The following CLDN14 variants were observed in gnomAD, a reference collection of about 807,000 sequenced individuals.
CLDN14 encodes claudin 14.
In CLDN14, 2 loss-of-function variants were observed where a neutral mutation model predicts 2.1. The observed-to-expected ratio is 0.96, with a 90% CI of 0.39 to 3.01. The LOEUF (loss-of-function observed/expected upper bound fraction) is 3.01, where lower values mean the gene tolerates loss of function less well. Ranked by LOEUF, CLDN14 falls within the 30% of genes most tolerant of loss-of-function variation. The pLI is 0.09. For missense variants in CLDN14, 298 were observed against 328.0 expected (o/e 0.91, Z 0.71); for synonymous variants, 136 against 154.4 (o/e 0.88, Z 0.88).
intron 2 of CLDN14, among the ~76,000 whole-genome samples, chr21:36,495,065 C>T (rs146283986): frequency 7.6e-4 from 115 of 152,260 alleles, no homozygotes; most frequent in African/African-American, 2.3e-3. Context: ...CGGTGCCTCA[C>T]GCCTGTAATC....
chr21:36,486,675 A>G (rs2086900882), intron 2 of CLDN14: 2 of 1,370,180 alleles, frequency 1.5e-6, no homozygotes, highest in Admixed American at 1.7e-5. Flanking sequence ...TCTTCCCCCA[A>G]ATTTATCATG....
chr21:36,559,578 A>T (rs1431187477), intron 1 of CLDN14, among the ~76,000 whole-genome samples: 1 of 152,176 alleles, frequency 6.6e-6, no homozygotes, highest in Non-Finnish European at 1.5e-5. Flanking sequence ...ATTTTTTTTG[A>T]TAACATGGAT....
At chr21:36,490,540 C>T (rs2086951018) in intron 2 of CLDN14, among the ~76,000 whole-genome samples, 1 of 151,822 alleles carries the variant, frequency 6.6e-6, no homozygotes, top group South Asian at 2.1e-4. Context: ...AGGTGTGCAC[C>T]ACCATTCCAG....
At chr21:36,510,798 C>G (rs1391765896) in intron 1 of CLDN14, among the ~76,000 whole-genome samples, 1 of 152,220 alleles carries the variant, frequency 6.6e-6, no homozygotes, top group Non-Finnish European at 1.5e-5. Context: ...CAATGTTGGT[C>G]TGGAAAAATA....
chr21:36,567,383 C>A (rs1366779123), intron 1 of CLDN14, among the ~76,000 whole-genome samples: 1 of 152,228 alleles, frequency 6.6e-6, no homozygotes, highest in Non-Finnish European at 1.5e-5. Context: ...CCCAAGAGCT[C>A]CAAGGGGAGC....
intron 1 of CLDN14, among the ~76,000 whole-genome samples, chr21:36,565,068 G>T (rs1424124718): frequency 6.6e-6 from 1 of 152,224 alleles, no homozygotes; most frequent in African/African-American, 2.4e-5. Context: ...AAGCCACTTG[G>T]TTGTGGTCAC....
chr21:36,552,386 A>G (rs1387166348), intron 1 of CLDN14, among the ~76,000 whole-genome samples: 1 of 152,214 alleles, frequency 6.6e-6, no homozygotes, highest in Non-Finnish European at 1.5e-5. Context: ...GCCCCATGTG[A>G]AAGGGAGCTG....
rs139181188 is a variant in CLDN14, at chr21:36,519,406, T to C, written c.-219-8906A>G. On this transcript the variant is annotated intron_variant, in intron 1 of 2. Coordinates refer to the CLDN14 transcript ENST00000342108. ...GACTGGCCAACATGGTGAAACCCTG[T>C]CTCTACTAAAAATACAAAAAATTAG... Among the ~76,000 whole-genome samples the C allele has an allele frequency of 7.4e-3, 1,127 of 152,268 alleles. 17 individuals are homozygous for C. The highest frequency in any genetic ancestry group is 0.025 in the African/African-American group (1,050 of 41,546).
chr21:36,479,449 A>C (rs2086818585), intron 1 of CLDN14, 46 bp downstream of exon 1: 3 of 150,216 alleles, frequency 2.0e-5, no homozygotes, highest in Admixed American at 6.7e-5. Context: ...ATGACTGTCA[A>C]CCCCAGCCCG....
At chr21:36,533,428 C>A (rs748037909) in intron 1 of CLDN14, among the ~76,000 whole-genome samples, 6 of 152,156 alleles carry the variant, frequency 3.9e-5, no homozygotes, top group Non-Finnish European at 8.8e-5. Context: ...AAGATGCTTC[C>A]GGCTTACAAT....
In CLDN14 at chr21:36,461,402, G is replaced by A. The variant is rs374400022; in HGVS notation, c.294C>T (p.Ala98=). The A allele has an allele frequency of 1.6e-4, 251 of 1,613,016 alleles. No individual in the cohort carries two copies. The highest frequency in any genetic ancestry group is 1.6e-4 in the Middle Eastern group (1 of 6,084). Residue 98 remains alanine (A), a synonymous_variant, in exon 2 of 2, where the codon GCC becomes GCT. Transcript: ENST00000399135. ...CLLSGIACAC[A]VIGMKCTRCA... is the part of the protein sequence containing the mutation. ...AGCGCGTGCACTTCATCCCGATGAC[G>A]GCGCAGGCGCAGGCTATGCCCGAGA... is the stretch of plus-strand genomic sequence containing the variant.
intron 2 of CLDN14, among the ~76,000 whole-genome samples, chr21:36,492,047 T>C (rs1013296295): frequency 6.6e-6 from 1 of 152,192 alleles, no homozygotes; most frequent in Non-Finnish European, 1.5e-5. Context: ...CTCACGCCTG[T>C]AATCCCAGCA....
intron 1 of CLDN14, among the ~76,000 whole-genome samples, chr21:36,570,586 G>T (rs2087702464): frequency 6.6e-6 from 1 of 151,262 alleles, no homozygotes; most frequent in African/African-American, 2.4e-5. Flanking sequence ...GGCTGTAAAT[G>T]AATGTATTCT....
At chr21:36,470,276 G>A (rs2086694614) in intron 1 of CLDN14, among the ~76,000 whole-genome samples, 1 of 152,168 alleles carries the variant, frequency 6.6e-6, no homozygotes. Flanking sequence ...GATGTAATTA[G>A]TTAAGATAAG....
Position 36,512,996 on chromosome 21 carries a change from C to T in CLDN14, c.-219-2496G>A, listed in dbSNP as rs771975692. ...GTAACCCTAAAGGTAAAAATGGTGGCGTAGTCTGCCCATCACCTCACAAAC... is the reference window on the plus strand; with the variant it reads ...GTAACCCTAAAGGTAAAAATGGTGGTGTAGTCTGCCCATCACCTCACAAAC... On this transcript the variant is annotated intron_variant, in intron 1 of 2. Coordinates refer to the CLDN14 transcript ENST00000342108. 3.1e-4 allele frequency among the ~76,000 whole-genome samples: 47 copies of T among 152,308 alleles called. 1 individual carries two copies. The highest frequency in any genetic ancestry group is 2.2e-4 in the African/African-American group (9 of 41,568).
At chr21:36,566,793 A>C (rs1370626558) in intron 1 of CLDN14, among the ~76,000 whole-genome samples, 2 of 152,184 alleles carry the variant, frequency 1.3e-5, no homozygotes, top group Non-Finnish European at 2.9e-5. Context: ...CTTTCCCTCC[A>C]AATTCACCCC....
intron 2 of CLDN14, among the ~76,000 whole-genome samples, chr21:36,495,825 G>T (rs1361044885): frequency 6.6e-6 from 1 of 152,182 alleles, no homozygotes; most frequent in Non-Finnish European, 1.5e-5. Context: ...GATTAGGGTG[G>T]TCCCTACACC....
intron 1 of CLDN14, among the ~76,000 whole-genome samples, chr21:36,555,069 C>T (rs558088652): frequency 6.6e-6 from 1 of 152,380 alleles, no homozygotes; most frequent in East Asian, 1.9e-4. Context: ...AGGCCTGGCA[C>T]ATGGCAAGCC....
intron 1 of CLDN14, among the ~76,000 whole-genome samples, chr21:36,462,825 G>A (rs1339780179): frequency 2.0e-5 from 3 of 152,180 alleles, no homozygotes; most frequent in African/African-American, 7.2e-5. Flanking sequence ...GGCTGAGGCA[G>A]GAGAATCGCT....
Sources: gnomAD v4.1 joint callset for allele counts (sites outside exome capture counted in the v4.1 genomes callset) on GRCh38, gnomAD v4.1.1 for gene constraint, MANE v1.5 for transcripts, NCBI Gene and HGNC (gene_info 2026-07-23, HGNC 2026-07-21) for gene names.